The following CUX2 variants were observed in gnomAD, a reference collection of about 807,000 sequenced individuals.
The protein encoded by CUX2 is cut like homeobox 2, also known as homeobox protein cut-like 2.
Under a neutral mutation model 144.8 loss-of-function variants are expected in CUX2, and 40 were observed. The ratio of observed to expected loss-of-function variants is 0.28; its 90% CI spans 0.21 to 0.36. CUX2 has a LOEUF of 0.36. CUX2 is among the 10% of genes least tolerant of loss of function. CUX2 has a pLI of 1.00. For synonymous variants in CUX2, 827 were observed against 875.6 expected (o/e 0.94, Z 0.98); for missense variants, 1,615 against 1,994.0 (o/e 0.81, Z 3.62).
intron 3 of CUX2, among the ~76,000 whole-genome samples, chr12:111,223,386 C>T (rs1179848132): frequency 2.6e-5 from 4 of 152,198 alleles, no homozygotes; most frequent in Non-Finnish European, 5.9e-5. Flanking sequence ...ATGACAGCCA[C>T]GGCAGTATCT....
rs1165975346 is a variant in CUX2, at chr12:111,338,249, C to T, written c.3197-37C>T. 3.8e-6 allele frequency: 6 copies of T among 1,561,844 alleles called. No individual in the cohort carries two copies. In the African/African-American group the frequency reaches 8.1e-5, roughly 21 times the overall value. ...CCTGGGAGTAGGCTTCTCTGCCCAG[C>T]CTCGGGTAACAGATTGCTCCCCTCC... On this transcript the variant is annotated intron_variant, in intron 19 of 21. Transcript: ENST00000261726.
intron 1 of CUX2, among the ~76,000 whole-genome samples, chr12:111,195,245 CT>C (rs1476847764): frequency 1.3e-5 from 2 of 152,182 alleles, no homozygotes; most frequent in Non-Finnish European, 2.9e-5. Context: ...TTTCCCTCCC[CT>C]GACTGTTCCA....
In CUX2 at chr12:111,277,316, G is replaced by A. The variant is rs529275131; in HGVS notation, c.301+13477G>A. The stretch of plus-strand genomic sequence containing the variant: ...TCCCCATCTGTGAAATGGGTTGGTC[G>A]TTATGAAGATGGAGCAAAGTTGTAT... On this transcript the variant is annotated intron_variant, in intron 4 of 21. Transcript: ENST00000261726. This position sits in a 1 kb window ranked among gnomAD's most constrained non-coding sequence, Gnocchi z 5.0. 1.3e-5 allele frequency among the ~76,000 whole-genome samples: 2 copies of A among 152,280 alleles called. No individual in the cohort carries two copies. Among genetic ancestry groups the A allele is most frequent in the East Asian group, 1.9e-4 (1 of 5,178 alleles).
intron 1 of CUX2, among the ~76,000 whole-genome samples, chr12:111,045,623 A>G (rs1869959310): frequency 6.6e-6 from 1 of 152,172 alleles, no homozygotes; most frequent in South Asian, 2.1e-4. Flanking sequence ...TCTTTCTTAA[A>G]ATGGGAGGGC....
chr12:111,083,032 G>T (rs1478672493), intron 1 of CUX2, among the ~76,000 whole-genome samples: 1 of 152,108 alleles, frequency 6.6e-6, no homozygotes, highest in Non-Finnish European at 1.5e-5. Flanking sequence ...GGTAGGGGCT[G>T]CCCTGTGCCT....
At chr12:111,165,321 G>GA (rs2136157208) in intron 1 of CUX2, among the ~76,000 whole-genome samples, 1 of 152,306 alleles carries the variant, frequency 6.6e-6, no homozygotes, top group South Asian at 2.1e-4. Flanking sequence ...TGACCCACAT[G>GA]GCAGGACGTC....
At chr12:111,242,415 A>G (rs570103807) in intron 3 of CUX2, among the ~76,000 whole-genome samples, 1 of 152,314 alleles carries the variant, frequency 6.6e-6, no homozygotes, top group South Asian at 2.1e-4. Flanking sequence ...TTCCCACGAC[A>G]AGGGCAGAGT....
intron 1 of CUX2, among the ~76,000 whole-genome samples, chr12:111,200,631 T>G (rs1880521528): frequency 1.3e-5 from 2 of 152,056 alleles, no homozygotes; most frequent in Non-Finnish European, 2.9e-5. Flanking sequence ...CAGGCCTCCC[T>G]CCCGGAGGTG....
intron 1 of CUX2, among the ~76,000 whole-genome samples, chr12:111,198,424 G>A (rs1034905326): frequency 1.3e-5 from 2 of 150,866 alleles, no homozygotes; most frequent in Non-Finnish European, 2.9e-5. Flanking sequence ...GCAGTGAGCC[G>A]AGATTGTGCC....
chr12:111,037,107 T>A lies in CUX2; in HGVS notation c.63+2867T>A, dbSNP rs909371795. ...GAACTTCTGCCGGCTTTTTCTGAGATCCAGGTAGGAGAGGCAGGTCCCCGT... is the reference window on the plus strand; with the variant it reads ...GAACTTCTGCCGGCTTTTTCTGAGAACCAGGTAGGAGAGGCAGGTCCCCGT... On this transcript the variant is annotated intron_variant, in intron 1 of 21. Transcript: ENST00000261726. This position sits in a 1 kb window ranked among gnomAD's most constrained non-coding sequence, Gnocchi z 5.4. Among the ~76,000 whole-genome samples, 5 of 152,134 alleles carry A rather than the reference T, an allele frequency of 3.3e-5. No individual in the cohort carries two copies. The highest frequency in any genetic ancestry group is 4.1e-4 in the South Asian group (2 of 4,824).
intron 1 of CUX2, among the ~76,000 whole-genome samples, chr12:111,159,140 T>TTTG (rs565029145): frequency 1.0e-3 from 153 of 152,040 alleles, no homozygotes; most frequent in Non-Finnish European, 1.7e-3. Flanking sequence ...CTGCCAGGAT[T>TTTG]TTGTTGTTGT....
At chr12:111,299,721 G>T (rs1009637923) in intron 9 of CUX2, among the ~76,000 whole-genome samples, 1 of 152,156 alleles carries the variant, frequency 6.6e-6, no homozygotes, top group Non-Finnish European at 1.5e-5. Flanking sequence ...AATAGGTAAT[G>T]CATTCATGTA....
chr12:111,161,985 C>G (rs545341436), intron 1 of CUX2, among the ~76,000 whole-genome samples: 1 of 152,370 alleles, frequency 6.6e-6, no homozygotes, highest in South Asian at 2.1e-4. Flanking sequence ...ATCCTCCTGC[C>G]TTGGCCTCCC....
At chr12:111,072,272 G>C (rs1871283983) in intron 1 of CUX2, among the ~76,000 whole-genome samples, 1 of 152,196 alleles carries the variant, frequency 6.6e-6, no homozygotes, top group Admixed American at 6.5e-5. Flanking sequence ...CATCTATTTA[G>C]TTATTCTGTG....
chr12:111,195,536 C>T (rs904720966), intron 1 of CUX2, among the ~76,000 whole-genome samples: 1 of 152,212 alleles, frequency 6.6e-6, no homozygotes, highest in Non-Finnish European at 1.5e-5. Flanking sequence ...CTGCCAACAT[C>T]GCTGGGAGAA....
chr12:111,128,394 A>C (rs148656368), intron 1 of CUX2, among the ~76,000 whole-genome samples: 38 of 152,280 alleles, frequency 2.5e-4, no homozygotes, highest in African/African-American at 8.2e-4. Context: ...TCAGTTTATC[A>C]TAGGGAATTC....
At chr12:111,078,215 A>G (rs1871642133) in intron 1 of CUX2, among the ~76,000 whole-genome samples, 1 of 152,220 alleles carries the variant, frequency 6.6e-6, no homozygotes, top group South Asian at 2.1e-4. Flanking sequence ...ATGAGCCGAC[A>G]TTGAGAGAGA....
At chr12:111,082,709 G>A (rs948638477) in intron 1 of CUX2, among the ~76,000 whole-genome samples, 3 of 152,164 alleles carry the variant, frequency 2.0e-5, no homozygotes, top group Admixed American at 6.5e-5. Flanking sequence ...TGGAAGACTC[G>A]CCGGGAGGTG....
Position 111,307,646 on chromosome 12 carries a change from G to GT in CUX2, c.1109+390dup, listed in dbSNP as rs1362968177. Among the ~76,000 whole-genome samples, 2 of 152,200 alleles carry GT rather than the reference G, an allele frequency of 1.3e-5. No individual in the cohort carries two copies. Among genetic ancestry groups the GT allele is most frequent in the African/African-American group, 4.8e-5 (2 of 41,450 alleles). ...TGAGAGGTCAAGGCTGCAGTGAGCT[G>GT]TGGTGGCACCACTGCACTCCAGCCT... On this transcript the variant is annotated intron_variant, in intron 12 of 21. Coordinates refer to ENST00000261726, the MANE Select transcript of CUX2 (RefSeq NM_015267.4). This position sits in a 1 kb window ranked among gnomAD's most constrained non-coding sequence, Gnocchi z 4.1.
Sources: allele counts gnomAD v4.1 joint callset (sites outside exome capture counted in the v4.1 genomes callset), GRCh38; gene constraint gnomAD v4.1.1; non-coding constraint Gnocchi (gnomAD v3.1); transcripts MANE v1.5; gene names NCBI Gene and HGNC (gene_info 2026-07-23, HGNC 2026-07-21).